Variants in GLIS3 observed in about 807,000 individuals in gnomAD.
GLIS3 encodes zinc finger protein GLIS3.
GLIS3 carries 53 observed loss-of-function variants against 78.6 expected under a neutral mutation model. The observed-to-expected ratio is 0.67, with a 90% CI of 0.54 to 0.85. GLIS3 has a LOEUF of 0.85. Among genes scored for constraint, GLIS3 ranks in the 40% least tolerant of loss-of-function variants. The pLI is 0.00. For missense variants in GLIS3, 1,703 were observed against 1,231.1 expected (o/e 1.38, Z -5.74); for synonymous variants, 684 against 509.9 (o/e 1.34, Z -4.60).
intron 6 of GLIS3, among the ~76,000 whole-genome samples, chr9:3,903,441 A>G (rs1262693244): frequency 1.3e-5 from 2 of 152,240 alleles, no homozygotes; most frequent in African/African-American, 4.8e-5. Context: ...ATTTCAAAGG[A>G]CTGCCGTGTT....
chr9:4,032,928 A>T (rs1490907932), intron 4 of GLIS3, among the ~76,000 whole-genome samples: 1 of 150,714 alleles, frequency 6.6e-6, no homozygotes, highest in Non-Finnish European at 1.5e-5. Context: ...ATCTCGGCTC[A>T]CTGCAAGCTC....
chr9:4,069,255 T>C (rs1827381210), intron 4 of GLIS3, among the ~76,000 whole-genome samples: 1 of 152,180 alleles, frequency 6.6e-6, no homozygotes, highest in Non-Finnish European at 1.5e-5. Flanking sequence ...TTTTGAGACT[T>C]ACAGGTTGCT....
chr9:3,953,510 A>G (rs1187048204), intron 4 of GLIS3, among the ~76,000 whole-genome samples: 2 of 152,142 alleles, frequency 1.3e-5, no homozygotes, highest in Non-Finnish European at 2.9e-5. Context: ...TCCCTTGTAA[A>G]GTGAGGGTTT....
intron 2 of GLIS3, among the ~76,000 whole-genome samples, chr9:4,186,306 T>C (rs1282521261): frequency 6.6e-6 from 1 of 152,080 alleles, no homozygotes; most frequent in Non-Finnish European, 1.5e-5. Context: ...ATTTCATCCA[T>C]GTCCCTACAA....
intron 4 of GLIS3, among the ~76,000 whole-genome samples, chr9:3,961,403 C>CA (rs1301043834): frequency 6.6e-6 from 1 of 152,156 alleles, no homozygotes; most frequent in Non-Finnish European, 1.5e-5. Context: ...CCAGCTTTGA[C>CA]AAAATTCAAA....
At chr9:4,236,204 A>AAAAAAAAAAAAAAAAAAG (rs536737911) in intron 2 of GLIS3, among the ~76,000 whole-genome samples, 60 of 86,328 alleles carry the variant, frequency 7.0e-4, no homozygotes, top group East Asian at 3.2e-3. Context: ...AAAAAAAAAA[A>AAAAAAAAAAAAAAAAAAG]AAAGAAAGAA....
intron 2 of GLIS3, among the ~76,000 whole-genome samples, chr9:4,339,467 A>T (rs946406692): frequency 6.6e-6 from 1 of 152,128 alleles, no homozygotes; most frequent in South Asian, 2.1e-4. Context: ...TCAAACTGCC[A>T]ATCTGTTACA....
chr9:3,945,809 A>G (rs13285279), intron 4 of GLIS3, among the ~76,000 whole-genome samples: 6,838 of 152,276 alleles, frequency 0.045, 187 homozygotes, highest in Non-Finnish European at 0.062. Context: ...TAAGCAAAAC[A>G]AAATAAAAAG....
intron 2 of GLIS3, among the ~76,000 whole-genome samples, chr9:4,192,925 G>C (rs1818463463): frequency 6.6e-6 from 1 of 152,216 alleles, no homozygotes; most frequent in Non-Finnish European, 1.5e-5. Context: ...ATCTCAGTGT[G>C]GACAGGATAC....
intron 9 of GLIS3, among the ~76,000 whole-genome samples, chr9:3,839,361 C>G (rs1818574684): frequency 6.6e-6 from 1 of 152,132 alleles, no homozygotes; most frequent in Non-Finnish European, 1.5e-5. Context: ...ACACAATCTC[C>G]TACTAAGTCC....
chr9:4,163,362 G>C (rs1018181723), intron 2 of GLIS3, among the ~76,000 whole-genome samples: 28 of 152,260 alleles, frequency 1.8e-4, no homozygotes, highest in East Asian at 7.7e-4. Flanking sequence ...GGAATATTAA[G>C]AGCTGGAGGA....
chr9:3,857,574 G>A (rs573769930), intron 8 of GLIS3, among the ~76,000 whole-genome samples: 1 of 152,334 alleles, frequency 6.6e-6, no homozygotes, highest in African/African-American at 2.4e-5. Context: ...GAAAGTAGGA[G>A]TAGGACTCGC....
chr9:4,147,316 T>G (rs1302748038), intron 2 of GLIS3: 1 of 152,206 alleles, frequency 6.6e-6, no homozygotes, highest in African/African-American at 2.4e-5. Flanking sequence ...TCCTGAAAAA[T>G]GATCAAAATC....
intron 4 of GLIS3, among the ~76,000 whole-genome samples, chr9:3,997,136 T>C (rs970614606): frequency 3.3e-5 from 5 of 152,020 alleles, no homozygotes; most frequent in East Asian, 1.9e-4. Flanking sequence ...TCACCTGAGG[T>C]TGGAGTTCAA....
intron 4 of GLIS3, among the ~76,000 whole-genome samples, chr9:4,306,471 A>C (rs1374753813): frequency 1.3e-5 from 2 of 152,222 alleles, no homozygotes; most frequent in Non-Finnish European, 1.5e-5. Flanking sequence ...GTTGTCAGAC[A>C]ACTGCCTCGA....
At chr9:4,404,763 GAAGAA>G in the GLIS3 span, among the ~76,000 whole-genome samples, 1 of 151,936 alleles carries the variant, frequency 6.6e-6, no homozygotes, top group African/African-American at 2.4e-5. Flanking sequence ...CATCAAAAAA[GAAGAA>G]AAGCTTCAAA....
At chr9:4,219,139 A>G (rs766007483) in intron 2 of GLIS3, among the ~76,000 whole-genome samples, 2 of 152,346 alleles carry the variant, frequency 1.3e-5, no homozygotes, top group South Asian at 4.1e-4. Context: ...ATATAGCCAA[A>G]TGCTTTGAGC....
At chr9:3,831,431 C>G (rs1004491471) in intron 9 of GLIS3, among the ~76,000 whole-genome samples, 5 of 152,210 alleles carry the variant, frequency 3.3e-5, no homozygotes, top group African/African-American at 1.2e-4. Flanking sequence ...ATGTCACATT[C>G]TACCTATCAC....
At chr9:4,376,239 G>A in the GLIS3 span, among the ~76,000 whole-genome samples, 1 of 152,134 alleles carries the variant, frequency 6.6e-6, no homozygotes, top group Non-Finnish European at 1.5e-5. Flanking sequence ...ATGTTAGGAA[G>A]GAAACAGGTT....
Sources: gnomAD v4.1 joint callset for allele counts (sites outside exome capture counted in the v4.1 genomes callset) on GRCh38, gnomAD v4.1.1 for gene constraint, MANE v1.5 for transcripts, NCBI Gene and HGNC (gene_info 2026-07-23, HGNC 2026-07-21) for gene names.